The following RPS6KA5 variants were observed in gnomAD, a reference collection of about 807,000 sequenced individuals.
RPS6KA5 encodes ribosomal protein S6 kinase alpha-5.
In RPS6KA5, 27 loss-of-function variants were observed where a neutral mutation model predicts 85.5. The observed-to-expected ratio is 0.32, with a 90% CI of 0.23 to 0.44. The LOEUF (loss-of-function observed/expected upper bound fraction) is 0.44, where lower values mean the gene tolerates loss of function less well. Among genes scored for constraint, RPS6KA5 ranks in the 20% least tolerant of loss-of-function variants. RPS6KA5 has a pLI of 1.00. For missense variants in RPS6KA5, 811 were observed against 980.9 expected, an observed-to-expected ratio of 0.83 and a Z score of 2.31; for synonymous variants, 334 against 348.2, an observed-to-expected ratio of 0.96 and a Z score of 0.46.
rs144245044 is a variant in RPS6KA5 at position 91,052,572 on chromosome 14, C to T, written c.103+7760G>A. Reference sequence around the variant, plus strand: ...AAGCGCGGTGGCTCAAGCCTGTAATCCCAGTACTTTGGGAGGCCAAGGCGG... The same window carrying T: ...AAGCGCGGTGGCTCAAGCCTGTAATTCCAGTACTTTGGGAGGCCAAGGCGG... On this transcript the variant is annotated intron_variant, in intron 1 of 16. Coordinates refer to ENST00000614987, the MANE Select transcript of RPS6KA5 (RefSeq NM_004755.4). 1,413 of 191,294 alleles carry T rather than the reference C, an allele frequency of 7.4e-3. 15 individuals carry two copies. The highest frequency in any genetic ancestry group is 0.015 in the Middle Eastern group (6 of 410). 11.8% of individuals were successfully genotyped at this position (191,294 alleles called of 1,614,324 possible).
At chr14:91,044,417 G>C (rs2042775139) in intron 1 of RPS6KA5, among the ~76,000 whole-genome samples, 1 of 107,418 alleles carries the variant, frequency 9.3e-6, no homozygotes, top group African/African-American at 3.8e-5. Flanking sequence ...AAGAAAGAAA[G>C]AAAGAAAGAA....
chr14:91,015,975 A>T (rs1186405212), intron 1 of RPS6KA5, among the ~76,000 whole-genome samples: 2 of 152,040 alleles, frequency 1.3e-5, no homozygotes, highest in Non-Finnish European at 2.9e-5. Flanking sequence ...CTGCCCTCCA[A>T]CCCCAATTCT....
intron 2 of RPS6KA5, among the ~76,000 whole-genome samples, chr14:90,998,200 G>T (rs2040617830): frequency 6.6e-6 from 1 of 152,094 alleles, no homozygotes; most frequent in Non-Finnish European, 1.5e-5. Flanking sequence ...TTTAGGACTG[G>T]GGAGGATGGT....
At chr14:90,923,321 G>T in intron 5 of RPS6KA5, 125 bp from the exon 6 acceptor site, 1 of 711,692 alleles carries the variant, frequency 1.4e-6, no homozygotes, top group Non-Finnish European at 2.5e-6. Flanking sequence ...GAATCTACTT[G>T]ACAGACCCAC....
At position 90,856,718 on chromosome 14, in the gene RPS6KA5, G is replaced by GT. The variant is rs2032305185; in HGVS notation, c.*15355dup. 3 of 152,166 alleles carry GT rather than the reference G, an allele frequency of 2.0e-5. No individual in the cohort carries two copies. The highest frequency in any genetic ancestry group is 6.6e-5 in the Admixed American group (1 of 15,264). The allele number at this position is 152,166 out of a possible 1,614,324, so 9.4% of individuals were successfully genotyped here. On this transcript the variant is annotated 3_prime_UTR_variant, in exon 17 of 17. Transcript: ENST00000614987. ...ATTCATTTTAAGTGTACCATTCATT[G>GT]TTTTTTACTACATTTACAATGTCTT...
At position 90,853,916 on chromosome 14, in the gene RPS6KA5, G is replaced by C. The variant is rs2032143805; in HGVS notation, c.*18158C>G. ...TTTTCTTGATTAATCATTTGTACCA[G>C]AGAAAACTCTGTATATACCAGTACA... On this transcript the variant is annotated 3_prime_UTR_variant, in exon 17 of 17. Coordinates refer to ENST00000614987, the MANE Select transcript of RPS6KA5 (RefSeq NM_004755.4). 1.3e-5 allele frequency: 2 copies of C among 152,102 alleles called. No homozygotes were observed. Among genetic ancestry groups the C allele is most frequent in the African/African-American group, 4.8e-5 (2 of 41,430 alleles). The allele number at this position is 152,102 out of a possible 1,614,324, so 9.4% of individuals were successfully genotyped here.
rs1048252444 is a variant in RPS6KA5 at position 90,864,481 on chromosome 14, T to C, written c.*7593A>G. The C allele has an allele frequency of 6.6e-6, 1 of 152,182 alleles. No homozygotes were observed. Among genetic ancestry groups the C allele is most frequent in the Non-Finnish European group, 1.5e-5 (1 of 68,040 alleles). The allele number at this position is 152,182 out of a possible 1,614,324, so 9.4% of individuals were successfully genotyped here. A position where few individuals can be genotyped will look rare whatever the true frequency, so the allele number is the denominator to read the frequency against. ...GAATATAAGAATATCTTCATAACCT[T>C]GGTGTGAACATTTATTAAATACGAC... On this transcript the variant is annotated 3_prime_UTR_variant, in exon 17 of 17. Coordinates refer to ENST00000614987, the MANE Select transcript of RPS6KA5 (RefSeq NM_004755.4).
rs1202823939 is a variant in RPS6KA5, at chr14:90,848,050, T to C, written c.*24024A>G. ...ACAATACATCTGCTTTTTTGATTCA[T>C]GTGTGTTTTCAACACAGCTCAACAA... On this transcript the variant is annotated 3_prime_UTR_variant, in exon 17 of 17. Transcript: ENST00000614987. 6.6e-6 allele frequency: 1 copy of C among 152,228 alleles called. No individual in the cohort carries two copies. The highest frequency in any genetic ancestry group is 2.4e-5 in the African/African-American group (1 of 41,446). 9.4% of individuals were successfully genotyped at this position (152,228 alleles called of 1,614,324 possible). A position where few individuals can be genotyped will look rare whatever the true frequency, so the allele number is the denominator to read the frequency against.
At chr14:90,920,897 C>CTTTTA (rs556990008) in intron 6 of RPS6KA5, among the ~76,000 whole-genome samples, 4 of 151,844 alleles carry the variant, frequency 2.6e-5, no homozygotes, top group African/African-American at 9.7e-5. Context: ...TTTAAAGAAT[C>CTTTTA]TTTTATTTTA....
At chr14:90,873,966 C>A (rs569295561) in intron 15 of RPS6KA5, among the ~76,000 whole-genome samples, 171 bp from the exon 16 acceptor site, 1 of 152,198 alleles carries the variant, frequency 6.6e-6, no homozygotes, top group African/African-American at 2.4e-5. Flanking sequence ...TTTGTGAATG[C>A]TGGAGTCTAA....
rs1445400167 is a variant in RPS6KA5 at position 90,854,646 on chromosome 14, C to T, written c.*17428G>A. 6.6e-6 allele frequency: 1 copy of T among 152,128 alleles called. No homozygotes were observed. Among genetic ancestry groups the T allele is most frequent in the Non-Finnish European group, 1.5e-5 (1 of 67,996 alleles). The allele number at this position is 152,128 out of a possible 1,614,324, so 9.4% of individuals were successfully genotyped here. A position where few individuals can be genotyped will look rare whatever the true frequency, so the allele number is the denominator to read the frequency against. On this transcript the variant is annotated 3_prime_UTR_variant, in exon 17 of 17. Coordinates refer to ENST00000614987, the MANE Select transcript of RPS6KA5 (RefSeq NM_004755.4). ...TTAACAGTAGACTTTACTCAAATAT[C>T]TAAAAGACGTATCAGACTCACTCAG...
Position 90,886,536 on chromosome 14 carries a change from T to C in RPS6KA5, c.1836+3951A>G, listed in dbSNP as rs150895062. Reference sequence around the variant, plus strand: ...GGGTAGGCCCCTGATCCAAGAGAATTAGTGTCCTTAAAGGGACAGACACTT... The same window carrying C: ...GGGTAGGCCCCTGATCCAAGAGAATCAGTGTCCTTAAAGGGACAGACACTT... On this transcript the variant is annotated intron_variant, in intron 14 of 16. Coordinates refer to ENST00000614987, the MANE Select transcript of RPS6KA5 (RefSeq NM_004755.4). Among the ~76,000 whole-genome samples, 22 of 152,236 alleles carry C rather than the reference T, an allele frequency of 1.4e-4. 1 individual carries two copies. Among genetic ancestry groups the C allele is most frequent in the African/African-American group, 4.6e-4 (19 of 41,542 alleles).
At chr14:90,940,084 A>T (rs1381057665) in intron 5 of RPS6KA5, among the ~76,000 whole-genome samples, 2 of 152,178 alleles carry the variant, frequency 1.3e-5, no homozygotes, top group African/African-American at 4.8e-5. Flanking sequence ...CAGCAAAGGA[A>T]AATTCCTACC....
Position 90,900,241 on chromosome 14 carries a change from C to T in RPS6KA5, c.1246G>A (p.Asp416Asn). The change falls in exon 11 of 17, where the codon GAC (aspartate) becomes AAC (asparagine). Residue 416 changes from aspartate (D) to asparagine (N), a missense_variant and splice_region_variant. This residue lies in a region of RPS6KA5 where 650 missense variants were observed against 793.4 expected (regional missense o/e 0.82). Coordinates refer to ENST00000614987, the MANE Select transcript of RPS6KA5 (RefSeq NM_004755.4). ...TCATAGTGTTGATAGAATGGAGAGTCCTGTCAAGAAATCAACATCATTTAA... is the reference window on the plus strand; with the variant it reads ...TCATAGTGTTGATAGAATGGAGAGTTCTGTCAAGAAATCAACATCATTTAA... The part of the protein sequence containing the change: ...TNVARSAMMK[D>N]SPFYQHYDLD... The T allele has an allele frequency of 1.9e-6, 3 of 1,553,416 alleles. No homozygotes were observed. Among genetic ancestry groups the T allele is most frequent in the Non-Finnish European group, 2.6e-6 (3 of 1,151,118 alleles).
At chr14:90,873,269 A>C (rs765579248) in intron 16 of RPS6KA5, among the ~76,000 whole-genome samples, 10 of 152,224 alleles carry the variant, frequency 6.6e-5, no homozygotes, top group Non-Finnish European at 1.3e-4. Flanking sequence ...TGTGTGATGT[A>C]CTAAATGGTT....
intron 5 of RPS6KA5, among the ~76,000 whole-genome samples, chr14:90,933,712 G>A (rs768447344): frequency 5.9e-5 from 9 of 152,114 alleles, no homozygotes; most frequent in Non-Finnish European, 1.3e-4. Flanking sequence ...TTTGTGCAGG[G>A]AAGAAGCCAT....
intron 1 of RPS6KA5, among the ~76,000 whole-genome samples, chr14:91,038,790 A>AAAT (rs2042495273): frequency 6.6e-6 from 1 of 152,210 alleles, no homozygotes; most frequent in Non-Finnish European, 1.5e-5. Context: ...GTGCTAATCT[A>AAAT]GAGCCTAGAA....
chr14:90,989,991 G>A (rs1214099950), intron 2 of RPS6KA5, among the ~76,000 whole-genome samples: 1 of 152,122 alleles, frequency 6.6e-6, no homozygotes, highest in East Asian at 1.9e-4. Flanking sequence ...GCTCTCTATG[G>A]AGGGCTCTCA....
At chr14:90,955,821 T>C (rs1304007503) in intron 3 of RPS6KA5, among the ~76,000 whole-genome samples, 1 of 152,206 alleles carries the variant, frequency 6.6e-6, no homozygotes, top group Non-Finnish European at 1.5e-5. Context: ...TGGGATATTA[T>C]TGCTGAATTG....
Sources: gnomAD v4.1 joint callset for allele counts (sites outside exome capture counted in the v4.1 genomes callset) on GRCh38, gnomAD v4.1.1 for gene constraint, gnomAD v4.1.1 regional missense constraint, MANE v1.5 for transcripts, NCBI Gene and HGNC (gene_info 2026-07-23, HGNC 2026-07-21) for gene names.